TGM5: variants seen among roughly 807,000 people sequenced by gnomAD.
The protein encoded by TGM5 is transglutaminase 5.
Under a neutral mutation model 77.2 loss-of-function variants are expected in TGM5, and 69 were observed. The observed-to-expected ratio is 0.89, with a 90% confidence interval of 0.74 to 1.09. The LOEUF is 1.09. TGM5 is among the 50% of genes least tolerant of loss of function. The pLI is 0.00. For synonymous variants in TGM5, 346 were observed against 351.8 expected (o/e 0.98, Z 0.18); for missense variants, 842 against 896.5 (o/e 0.94, Z 0.78).
intron 1 of TGM5, among the ~76,000 whole-genome samples, chr15:43,262,438 T>C (rs1339953455): frequency 1.3e-5 from 2 of 152,198 alleles, no homozygotes; most frequent in Non-Finnish European, 2.9e-5. Flanking sequence ...AATCAGCGAA[T>C]TCAACAGAAT....
chr15:43,235,954 T>G (rs1312933111), intron 9 of TGM5, 117 bp from the exon 10 acceptor site: 2 of 1,369,796 alleles, frequency 1.5e-6, no homozygotes, highest in Non-Finnish European at 2.0e-6. Context: ...TCACTCCCAG[T>G]AACAAGCACT....
Position 43,238,920 on chromosome 15 carries a change from C to G in TGM5, c.1242G>C (p.Gln414His). ...CAGAACTCGTGTCCTGGTGAAGCTT[C>G]TGCTCCTTCCCTCCCTGGACGAGCC... ...MSWLVQGGKE[Q>H]KLHQDTSSVG... Residue 414 changes from glutamine (Q) to histidine (H), a missense_variant, in exon 9 of 13, where the codon CAG becomes CAC. Coordinates refer to ENST00000220420, the MANE Select transcript of TGM5 (RefSeq NM_201631.4). The G allele has an allele frequency of 6.2e-7, 1 of 1,614,214 alleles. No homozygotes were observed. The highest frequency in any genetic ancestry group is 8.5e-7 in the Non-Finnish European group (1 of 1,180,048).
chr15:43,253,529 C>G lies in TGM5; in HGVS notation c.661G>C (p.Val221Leu). Residue 221 changes from valine (V) to leucine (L), a missense_variant, in exon 5 of 13, where the codon GTC (valine) becomes CTC (leucine). This residue lies in a region of TGM5 where 815 missense variants were observed against 844.6 expected (regional missense o/e 0.96). Coordinates refer to ENST00000220420, the MANE Select transcript of TGM5 (RefSeq NM_201631.4). Reference protein sequence around the residue: ...DCALRGSPVYVSRVVCAMINS... With the variant: ...DCALRGSPVYLSRVVCAMINS... ...ACCATGGCACACACCACTCTGCTGA[C>G]GTAGACGGGGCTTCCCCGCAGAGCA... 1 of 1,613,126 alleles carries G rather than the reference C, an allele frequency of 6.2e-7. No homozygotes were observed. The highest frequency in any genetic ancestry group is 1.1e-5 in the South Asian group (1 of 91,064).
chr15:43,266,645 T>C (rs939990615), intron 1 of TGM5, among the ~76,000 whole-genome samples, 195 bp downstream of exon 1: 1 of 152,236 alleles, frequency 6.6e-6, no homozygotes, highest in South Asian at 2.1e-4. Flanking sequence ...TGTGTTTACC[T>C]GTCTGCCTCT....
At position 43,239,246 on chromosome 15, in the gene TGM5, T is replaced by G. The variant is rs748936981; in HGVS notation, c.1022A>C (p.Glu341Ala). Residue 341 changes from glutamate to alanine, a missense_variant, in exon 8 of 13, where the codon GAG (glutamate) becomes GCG (alanine). Physicochemically the swap from Glu to Ala is moderately radical, Grantham distance 107. Transcript: ENST00000220420. ...DTIWNFHVWN[E>A]CWMARKDLPP... The stretch of plus-strand genomic sequence containing the variant: ...CAGATCCTTCCGGGCCATCCAGCAC[T>G]CATTCCAGACATGGAAGTTCCTGTG... The G allele has an allele frequency of 1.9e-6, 3 of 1,614,054 alleles. No homozygotes were observed. The highest frequency in any genetic ancestry group is 2.5e-6 in the Non-Finnish European group (3 of 1,180,052).
At chr15:43,255,690 T>A (rs2042737579) in intron 4 of TGM5, among the ~76,000 whole-genome samples, 1 of 152,106 alleles carries the variant, frequency 6.6e-6, no homozygotes, top group Non-Finnish European at 1.5e-5. Context: ...TCTGAGAGGC[T>A]GAGGGCTGAT....
In TGM5 at chr15:43,253,568, G is replaced by T. The variant is rs916973387; in HGVS notation, c.622C>A (p.Pro208Thr). ...LDKSLHFQTD[P>T]ATDCALRGSP... ...CCCCGCAGAGCACAGTCTGTGGCTG[G>T]GTCAGTCTGGAAGTGCAGGCTCTTG... Residue 208 changes from proline to threonine, a missense_variant, in exon 5 of 13, where the codon CCA (proline) becomes ACA (threonine). Coordinates refer to ENST00000220420, the MANE Select transcript of TGM5 (RefSeq NM_201631.4). 3 of 1,613,854 alleles carry T rather than the reference G, an allele frequency of 1.9e-6. No individual in the cohort carries two copies. The highest frequency in any genetic ancestry group is 2.5e-6 in the Non-Finnish European group (3 of 1,180,038).
Position 43,258,456 on chromosome 15 carries a change from C to T in TGM5, c.436+1596G>A, listed in dbSNP as rs1000623920. Among the ~76,000 whole-genome samples the T allele has an allele frequency of 7.2e-5, 11 of 152,190 alleles. No individual in the cohort carries two copies. The East Asian group carries it at 1.7e-3, about 24-fold the overall frequency. On this transcript the variant is annotated intron_variant, in intron 3 of 12. Coordinates refer to ENST00000220420, the MANE Select transcript of TGM5 (RefSeq NM_201631.4). ...ACAAAAGGCCATGGGCACAGACGTC[C>T]ACTTTGCAGGGTCCTAGAACTGTCT...
chr15:43,249,114 A>ATGCT (rs2042687778), intron 6 of TGM5, among the ~76,000 whole-genome samples: 1 of 152,056 alleles, frequency 6.6e-6, no homozygotes, highest in South Asian at 2.1e-4. Context: ...AAGAGGGATG[A>ATGCT]TGCTGTACAC....
intron 9 of TGM5, among the ~76,000 whole-genome samples, chr15:43,238,449 G>C (rs2241516): frequency 0.12 from 19,008 of 152,272 alleles, 1,338 homozygotes; most frequent in East Asian, 0.21. Flanking sequence ...CAAAGACTCA[G>C]TGAAACACAG....
intron 6 of TGM5, among the ~76,000 whole-genome samples, chr15:43,243,318 T>C (rs2042651084): frequency 6.6e-6 from 1 of 152,262 alleles, no homozygotes; most frequent in Non-Finnish European, 1.5e-5. Context: ...TTTTGCCTGT[T>C]CTGGTGATTT....
chr15:43,254,478 A>G (rs1596448789), intron 4 of TGM5, among the ~76,000 whole-genome samples: 1 of 151,952 alleles, frequency 6.6e-6, no homozygotes, highest in Non-Finnish European at 1.5e-5. Flanking sequence ...TCTCTGATCA[A>G]TCTTCCCCAG....
At position 43,252,862 on chromosome 15, in the gene TGM5, C is replaced by T. The variant is rs201565561; in HGVS notation, c.759G>A (p.Ala253=). 3.0e-5 allele frequency: 48 copies of T among 1,613,958 alleles called. No homozygotes were observed. The Admixed American group carries it at 4.7e-4, about 16-fold the overall frequency. ...GGATGGCCACGCTGCCCGTCCACTC[C>T]GCAGGGTTGGCGCCGTCTGTGTAAT... ...SENYTDGANP[A]EWTGSVAILK... The change falls in exon 6 of 13, where the codon GCG becomes GCA. Residue 253 remains alanine (A), a synonymous_variant. Transcript: ENST00000220420.
chr15:43,243,045 G>T (rs1596444060), intron 6 of TGM5, among the ~76,000 whole-genome samples: 1 of 152,162 alleles, frequency 6.6e-6, no homozygotes, highest in East Asian at 1.9e-4. Flanking sequence ...AGTGTCAATA[G>T]TGGTGTCAAC....
rs2042772363 is a variant in TGM5, at chr15:43,259,998, C to G, written c.436+54G>C. ...TCTAGAAACCCTTGAGCCTGTCTCT[C>G]TGGCAGCACTGACAGAAGAGAAAGG... On this transcript the variant is annotated intron_variant, in intron 3 of 12. Coordinates refer to ENST00000220420, the MANE Select transcript of TGM5 (RefSeq NM_201631.4). 4 of 1,611,072 alleles carry G rather than the reference C, an allele frequency of 2.5e-6. No individual in the cohort carries two copies. The South Asian group carries it at 3.3e-5, about 13-fold the overall frequency.
At chr15:43,259,968 C>T (rs1229015616) in intron 3 of TGM5, 84 bp downstream of exon 3, 42 of 1,601,460 alleles carry the variant, frequency 2.6e-5, no homozygotes, top group Middle Eastern at 4.5e-4. Context: ...GGCCCGGGAG[C>T]GGGGTCTAGA....
chr15:43,237,125 G>A (rs893410837), intron 9 of TGM5, among the ~76,000 whole-genome samples: 5 of 152,120 alleles, frequency 3.3e-5, no homozygotes, highest in Non-Finnish European at 5.9e-5. Context: ...AGGTCCACTC[G>A]GGTATGGCTC....
At chr15:43,248,837 A>G (rs1022524661) in intron 6 of TGM5, among the ~76,000 whole-genome samples, 5 of 152,184 alleles carry the variant, frequency 3.3e-5, no homozygotes, top group African/African-American at 1.2e-4. Flanking sequence ...TGAAGATGAG[A>G]TACGTTTTAA....
intron 6 of TGM5, among the ~76,000 whole-genome samples, chr15:43,247,111 T>C (rs2042674259): frequency 6.6e-6 from 1 of 150,796 alleles, no homozygotes; most frequent in Admixed American, 6.6e-5. Flanking sequence ...TGAGCTGAGA[T>C]TGTGCTGCTG....
Sources: gnomAD v4.1 joint callset for allele counts (sites outside exome capture counted in the v4.1 genomes callset) on GRCh38, gnomAD v4.1.1 for gene constraint, gnomAD v4.1.1 regional missense constraint, MANE v1.5 for transcripts, NCBI Gene and HGNC (gene_info 2026-07-23, HGNC 2026-07-21) for gene names.